TAFA5: variants seen among roughly 807,000 people sequenced by gnomAD.
The protein encoded by TAFA5 is TAFA chemokine like family member 5, also known as chemokine-like protein TAFA-5.
Under a neutral mutation model 15.3 loss-of-function variants are expected in TAFA5, and 6 were observed. That is an observed-to-expected ratio of 0.39 (90% confidence interval 0.21 to 0.77). The LOEUF is 0.77. Ranked by LOEUF, TAFA5 falls within the 30% of genes least tolerant of loss-of-function variation. The pLI is 0.41. For synonymous variants in TAFA5, 103 were observed against 80.7 expected, an observed-to-expected ratio of 1.28 and a Z score of -1.48; for missense variants, 161 against 193.1, an observed-to-expected ratio of 0.83 and a Z score of 0.98.
rs952499519 is a variant in TAFA5, at chr22:48,750,714, T to A, written c.*867T>A. The A allele has an allele frequency of 2.6e-5, 4 of 153,004 alleles. No homozygotes were observed. The highest frequency in any genetic ancestry group is 9.7e-5 in the African/African-American group (4 of 41,430). The allele number at this position is 153,004 out of a possible 1,614,324, so 9.5% of individuals were successfully genotyped here. On this transcript the variant is annotated 3_prime_UTR_variant, in exon 4 of 4. Coordinates refer to ENST00000402357, the MANE Select transcript of TAFA5 (RefSeq NM_001082967.3). The stretch of plus-strand genomic sequence containing the variant: ...CAGTATCTGCCAAGAGCATGTTGGG[T>A]CTCCCGTGACTGCTGCCTCATCGAT...
At chr22:48,597,692 G>A (rs1389943570) in intron 1 of TAFA5, among the ~76,000 whole-genome samples, 2 of 152,252 alleles carry the variant, frequency 1.3e-5, no homozygotes, top group Non-Finnish European at 2.9e-5. Context: ...CCGGTTCTTG[G>A]CTGAGTCTGA....
intron 2 of TAFA5, among the ~76,000 whole-genome samples, chr22:48,656,372 G>A (rs1927244019): frequency 6.6e-6 from 1 of 151,986 alleles, no homozygotes; most frequent in African/African-American, 2.4e-5. Flanking sequence ...TGGCTGTGGT[G>A]GCAGGTGCCT....
intron 2 of TAFA5, among the ~76,000 whole-genome samples, chr22:48,698,590 G>A (rs1044810331): frequency 2.5e-4 from 20 of 79,946 alleles, no homozygotes; most frequent in African/African-American, 1.3e-3. Context: ...ACCTGAGTGG[G>A]GCACATTCCT....
intron 2 of TAFA5, among the ~76,000 whole-genome samples, chr22:48,703,314 C>G (rs1022210307): frequency 6.6e-6 from 1 of 152,194 alleles, no homozygotes; most frequent in Non-Finnish European, 1.5e-5. Context: ...AGCCTAAGTC[C>G]CCCCGGACCC....
chr22:48,628,459 C>T (rs1926100342), intron 1 of TAFA5, among the ~76,000 whole-genome samples: 2 of 152,214 alleles, frequency 1.3e-5, no homozygotes, highest in African/African-American at 4.8e-5. Context: ...ATCATGTCGC[C>T]GATCACAGCT....
intron 2 of TAFA5, among the ~76,000 whole-genome samples, chr22:48,686,780 A>G (rs1445236144): frequency 6.6e-6 from 1 of 151,448 alleles, no homozygotes; most frequent in East Asian, 1.9e-4. Context: ...GGATGGATGG[A>G]TGGATGGTAG....
At position 48,623,335 on chromosome 22, in the gene TAFA5, C is replaced by CGCG. The variant is rs1461095424; in HGVS notation, c.113-23261_113-23260insCGG. Among the ~76,000 whole-genome samples the CGCG allele has an allele frequency of 3.8e-4, 41 of 107,406 alleles. No homozygotes were observed. In the East Asian group the frequency reaches 4.2e-3, roughly 11 times the overall value. 70.5% of individuals were successfully genotyped at this position (107,406 alleles called of 152,430 possible). A position where few individuals can be genotyped will look rare whatever the true frequency, so the allele number is the denominator to read the frequency against. On this transcript the variant is annotated intron_variant, in intron 1 of 3. Transcript: ENST00000402357. Reference sequence around the variant, plus strand: ...GGACGGGACATGTCGCGTGGCCCTGCGTGGTGACCTGTGGGACGGGACGTG... The same window carrying CGCG: ...GGACGGGACATGTCGCGTGGCCCTGCGCGGTGGTGACCTGTGGGACGGGACGTG...
At chr22:48,647,400 G>A (rs942971101) in intron 2 of TAFA5, among the ~76,000 whole-genome samples, 3 of 152,118 alleles carry the variant, frequency 2.0e-5, no homozygotes, top group African/African-American at 4.8e-5. Flanking sequence ...GGGCTGTCCC[G>A]GCGTCTGGTG....
chr22:48,583,563 C>A (rs1204212967), intron 1 of TAFA5, among the ~76,000 whole-genome samples: 1 of 150,210 alleles, frequency 6.7e-6, no homozygotes, highest in Admixed American at 6.6e-5. Context: ...ACCACACACA[C>A]CACACATCAC....
At chr22:48,704,872 T>C (rs1929031271) in intron 2 of TAFA5, among the ~76,000 whole-genome samples, 2 of 152,242 alleles carry the variant, frequency 1.3e-5, no homozygotes, top group South Asian at 4.2e-4. Flanking sequence ...TTCAGGATCA[T>C]GGTGCTGATA....
At chr22:48,546,514 T>C in intron 1 of TAFA5, 1 of 471,204 alleles carries the variant, frequency 2.1e-6, no homozygotes, top group Non-Finnish European at 4.4e-6. Flanking sequence ...TTTTCTCACC[T>C]GGCTGGGCAG....
chr22:48,687,710 C>T (rs931106564), intron 2 of TAFA5, among the ~76,000 whole-genome samples: 1 of 152,172 alleles, frequency 6.6e-6, no homozygotes, highest in African/African-American at 2.4e-5. Context: ...CCACAACCAA[C>T]AGCACCCAGC....
At position 48,749,998 on chromosome 22, in the gene TAFA5, C is replaced by T; in HGVS notation, c.*151C>T. ...GTGGTCCGTGAAGGACGGCCTCAGGCCTTGGCATCCTGAGCTTCGGTCTGT... is the reference window on the plus strand; with the variant it reads ...GTGGTCCGTGAAGGACGGCCTCAGGTCTTGGCATCCTGAGCTTCGGTCTGT... On this transcript the variant is annotated 3_prime_UTR_variant, in exon 4 of 4. Coordinates refer to ENST00000402357, the MANE Select transcript of TAFA5 (RefSeq NM_001082967.3). 1 of 756,140 alleles carries T rather than the reference C, an allele frequency of 1.3e-6. No individual in the cohort carries two copies. The highest frequency in any genetic ancestry group is 1.7e-5 in the African/African-American group (1 of 57,496). 46.8% of individuals were successfully genotyped at this position (756,140 alleles called of 1,614,324 possible).
chr22:48,610,193 G>A (rs1244706250), intron 1 of TAFA5, among the ~76,000 whole-genome samples: 2 of 152,124 alleles, frequency 1.3e-5, no homozygotes, highest in Admixed American at 6.5e-5. Flanking sequence ...CGTGGCCCCC[G>A]AGAAGGGCCT....
At chr22:48,595,877 A>T (rs1277129033) in intron 1 of TAFA5, among the ~76,000 whole-genome samples, 1 of 152,282 alleles carries the variant, frequency 6.6e-6, no homozygotes, top group East Asian at 1.9e-4. Flanking sequence ...AAGTGGCAAG[A>T]TTATGCAAAA....
intron 2 of TAFA5, among the ~76,000 whole-genome samples, chr22:48,690,722 C>T (rs573094041): frequency 6.6e-6 from 1 of 152,334 alleles, no homozygotes; most frequent in Admixed American, 6.5e-5. Context: ...TGGGGACAGG[C>T]CTGTGTCCCT....
rs116207296 is a variant in TAFA5, at chr22:48,744,005, G to T, written c.391-5834G>T. Among the ~76,000 whole-genome samples the T allele has an allele frequency of 8.4e-3, 1,281 of 152,336 alleles. 19 individuals carry two copies. The highest frequency in any genetic ancestry group is 0.028 in the African/African-American group (1,150 of 41,570). ...TTGTTAATTTTTCTGCGTAGTTTCA[G>T]TCCTAGGGCTGGGTTTGCCGTCGGG... On this transcript the variant is annotated intron_variant, in intron 3 of 3. Transcript: ENST00000402357.
At chr22:48,576,525 C>G (rs1405109742) in intron 1 of TAFA5, 1 of 1,515,278 alleles carries the variant, frequency 6.6e-7, no homozygotes, top group Non-Finnish European at 8.9e-7. Flanking sequence ...GGGCCGCGCT[C>G]TGCTGCTTCC....
chr22:48,645,920 G>A (rs536413204), intron 1 of TAFA5, among the ~76,000 whole-genome samples: 4 of 152,134 alleles, frequency 2.6e-5, no homozygotes, highest in Admixed American at 2.0e-4. Flanking sequence ...CCTTGTGTGC[G>A]GTCATGTGTG....
Sources: gnomAD v4.1 joint callset for allele counts (sites outside exome capture counted in the v4.1 genomes callset) on GRCh38, gnomAD v4.1.1 for gene constraint, MANE v1.5 for transcripts, NCBI Gene and HGNC (gene_info 2026-07-23, HGNC 2026-07-21) for gene names.